Variants in SGPP1 observed in about 807,000 individuals in gnomAD.
SGPP1 encodes sphingosine-1-phosphate phosphatase 1, also known as hSPP1.
SGPP1 carries 21 observed loss-of-function variants against 33.0 expected under a neutral mutation model. That is an observed-to-expected ratio of 0.64 (90% CI 0.45 to 0.92). The LOEUF is 0.92. SGPP1 is among the 40% of genes least tolerant of loss of function. The probability of loss-of-function intolerance (pLI) is 0.00; values close to 1 mark genes in which losing one functional copy is unlikely to be tolerated. For missense variants in SGPP1, 543 were observed against 589.4 expected (o/e 0.92, Z 0.81); for synonymous variants, 239 against 241.2 (o/e 0.99, Z 0.08).
At chr14:63,699,226 G>A (rs759107810) in intron 1 of SGPP1, among the ~76,000 whole-genome samples, 9 of 152,118 alleles carry the variant, frequency 5.9e-5, no homozygotes, top group Admixed American at 2.0e-4. Context: ...AAAAATTTCC[G>A]TGGAATACTA....
At chr14:63,704,745 A>G (rs1885371020) in intron 1 of SGPP1, among the ~76,000 whole-genome samples, 1 of 152,188 alleles carries the variant, frequency 6.6e-6, no homozygotes, top group Non-Finnish European at 1.5e-5. Context: ...AATCTTTATG[A>G]CTCTGGATTA....
chr14:63,694,368 T>A (rs1007291264), intron 2 of SGPP1, among the ~76,000 whole-genome samples: 4 of 152,186 alleles, frequency 2.6e-5, no homozygotes, highest in African/African-American at 9.7e-5. Flanking sequence ...TTTAAAATAA[T>A]AACTTCTCAT....
chr14:63,687,655 A>G (rs1885006616), intron 2 of SGPP1, among the ~76,000 whole-genome samples: 1 of 152,300 alleles, frequency 6.6e-6, no homozygotes, highest in Admixed American at 6.5e-5. Context: ...GGTAGAGGGA[A>G]TATCAAGTGC....
intron 1 of SGPP1, among the ~76,000 whole-genome samples, chr14:63,702,044 TA>T (rs1885310982): frequency 6.7e-6 from 1 of 150,232 alleles, no homozygotes; most frequent in African/African-American, 2.4e-5. Context: ...AAATTACTGA[TA>T]AGAGTTCTTT....
At chr14:63,717,243 T>TAA (rs35499270) in intron 1 of SGPP1, among the ~76,000 whole-genome samples, 3,134 of 129,676 alleles carry the variant, frequency 0.024, 38 homozygotes, top group South Asian at 0.029. Flanking sequence ...CAAAAATGCT[T>TAA]AAAAAAAAAA....
At chr14:63,697,740 GT>G (rs1387459475) in intron 2 of SGPP1, among the ~76,000 whole-genome samples, 1 of 152,208 alleles carries the variant, frequency 6.6e-6, no homozygotes, top group Non-Finnish European at 1.5e-5. Context: ...GAATGGGATA[GT>G]TAAGGTAAAG....
At position 63,695,773 on chromosome 14, in the gene SGPP1, TTA is replaced by T. The variant is rs1885175149; in HGVS notation, c.774+2794_774+2795del. Among the ~76,000 whole-genome samples, 24 of 152,194 alleles carry T rather than the reference TTA, an allele frequency of 1.6e-4. No individual in the cohort carries two copies. The South Asian group carries it at 5.0e-3, about 32-fold the overall frequency. ...AAAAAATTTAAAAATTAGCTGGGCA[TTA>T]TAGTACATGTTTGTAGTCCTAGACA... On this transcript the variant is annotated intron_variant, in intron 2 of 2. Transcript: ENST00000247225.
chr14:63,720,541 C>G (rs1427596347), intron 1 of SGPP1, among the ~76,000 whole-genome samples: 1 of 152,000 alleles, frequency 6.6e-6, no homozygotes, highest in Non-Finnish European at 1.5e-5. Context: ...GGTGGATCAC[C>G]TGAGGTCAAG....
At chr14:63,717,645 C>T (rs980122635) in intron 1 of SGPP1, among the ~76,000 whole-genome samples, 1 of 151,962 alleles carries the variant, frequency 6.6e-6, no homozygotes, top group African/African-American at 2.4e-5. Flanking sequence ...TCCAAAGAAC[C>T]GAATGGAAGT....
chr14:63,711,979 A>G (rs1885531941), intron 1 of SGPP1, among the ~76,000 whole-genome samples: 1 of 151,302 alleles, frequency 6.6e-6, no homozygotes, highest in African/African-American at 2.4e-5. Context: ...GCAGCGAGCC[A>G]AGATCGCACC....
chr14:63,700,149 G>C (rs1885266325), intron 1 of SGPP1, among the ~76,000 whole-genome samples: 1 of 151,968 alleles, frequency 6.6e-6, no homozygotes, highest in Non-Finnish European at 1.5e-5. Flanking sequence ...CACACACCTT[G>C]GCCTCGCAAA....
intron 1 of SGPP1, among the ~76,000 whole-genome samples, chr14:63,721,784 A>C (rs1232771474): frequency 6.6e-6 from 1 of 152,200 alleles, no homozygotes; most frequent in African/African-American, 2.4e-5. Flanking sequence ...TATGTTTATC[A>C]AATTTTTTAT....
Position 63,698,629 on chromosome 14 carries a change from A to G in SGPP1, c.714T>C (p.Ile238=). The G allele has an allele frequency of 6.2e-7, 1 of 1,604,124 alleles. No individual in the cohort carries two copies. The highest frequency in any genetic ancestry group is 8.5e-7 in the Non-Finnish European group (1 of 1,174,228). The change falls in exon 2 of 3, where the codon ATT becomes ATC. Residue 238 remains isoleucine, a synonymous_variant. Transcript: ENST00000247225. ...QYPLIYGLIL[I]PCWCSLVCLS... ...GGCAAACTAGAGAACACCAGCAGGG[A>G]ATAAGAATCAGTCCATATATAAGAG...
Position 63,727,697 on chromosome 14 carries a change from C to T in SGPP1, c.248G>A (p.Gly83Asp). ...RNQCPAKPDGGGAPNGVRNGL... is the reference protein window; with the variant it reads ...RNQCPAKPDGDGAPNGVRNGL... ...GTTCCGCACGCCGTTGGGGGCGCCGCCGCCGTCCGGCTTGGCCGGGCACTG... is the reference window on the plus strand; with the variant it reads ...GTTCCGCACGCCGTTGGGGGCGCCGTCGCCGTCCGGCTTGGCCGGGCACTG... Residue 83 changes from glycine (G) to aspartate (D), a missense_variant, in exon 1 of 3, where the codon GGC becomes GAC. Physicochemically the swap from Gly to Asp is moderately conservative, Grantham distance 94. Transcript: ENST00000247225. The T allele has an allele frequency of 3.7e-6, 5 of 1,338,342 alleles. No homozygotes were observed. Among genetic ancestry groups the T allele is most frequent in the South Asian group, 3.7e-5 (2 of 54,024 alleles). The allele number at this position is 1,338,342 out of a possible 1,614,324, so 82.9% of individuals were successfully genotyped here. A position where few individuals can be genotyped will look rare whatever the true frequency, so the allele number is the denominator to read the frequency against.
chr14:63,722,361 G>GAAAA (rs34786841), intron 1 of SGPP1, among the ~76,000 whole-genome samples: 1 of 97,780 alleles, frequency 1.0e-5, no homozygotes, highest in South Asian at 3.4e-4. Flanking sequence ...TGTCTCTATT[G>GAAAA]AAAAAAAAAA....
intron 1 of SGPP1, among the ~76,000 whole-genome samples, chr14:63,719,118 C>G (rs552902568): frequency 7.1e-6 from 1 of 141,746 alleles, no homozygotes; most frequent in South Asian, 2.3e-4. Context: ...ACGTATGCCT[C>G]CCAGGTTCAA....
intron 1 of SGPP1, among the ~76,000 whole-genome samples, chr14:63,726,684 C>T (rs1317930268): frequency 3.3e-5 from 5 of 152,164 alleles, no homozygotes; most frequent in Non-Finnish European, 5.9e-5. Flanking sequence ...AGCAACCACA[C>T]CCCTTAAAAA....
intron 1 of SGPP1, among the ~76,000 whole-genome samples, chr14:63,721,874 G>A (rs868524544): frequency 3.3e-5 from 5 of 152,114 alleles, no homozygotes; most frequent in African/African-American, 1.2e-4. Context: ...TGTGGATGTT[G>A]CATATGTATG....
intron 1 of SGPP1, among the ~76,000 whole-genome samples, chr14:63,711,734 T>A (rs189075139): frequency 6.6e-6 from 1 of 152,328 alleles, no homozygotes; most frequent in East Asian, 1.9e-4. Context: ...TGATCATTTT[T>A]GATCAAAAGC....
Sources: gnomAD v4.1 joint callset for allele counts (sites outside exome capture counted in the v4.1 genomes callset) on GRCh38, gnomAD v4.1.1 for gene constraint, MANE v1.5 for transcripts, NCBI Gene and HGNC (gene_info 2026-07-23, HGNC 2026-07-21) for gene names.